TNC: variants seen among roughly 807,000 people sequenced by gnomAD.
The protein encoded by TNC is tenascin.
Under a neutral mutation model 202.4 loss-of-function variants are expected in TNC, and 109 were observed. The observed-to-expected ratio is 0.54, with a 90% confidence interval of 0.46 to 0.63. TNC has a LOEUF of 0.63. Among genes scored for constraint, TNC ranks in the 30% least tolerant of loss-of-function variants. TNC has a pLI of 0.00. For synonymous variants in TNC, 1,007 were observed against 1,089.7 expected (o/e 0.92, Z 1.50); for missense variants, 2,756 against 2,833.3 (o/e 0.97, Z 0.62).
Position 115,041,083 on chromosome 9 carries a change from A to C in TNC, c.5250T>G (p.Gly1750=). ...FRITYVPITG[G]TPSMVTVDGT... ...CGTCCACAGTTACCATGGAGGGTGTACCTGGAACACAGTAAAAGCAAGATG... is the reference window on the plus strand; with the variant it reads ...CGTCCACAGTTACCATGGAGGGTGTCCCTGGAACACAGTAAAAGCAAGATG... Residue 1750 remains glycine (G), a splice_region_variant and synonymous_variant, in exon 19 of 28, where the codon GGT becomes GGG. Coordinates refer to ENST00000350763, the MANE Select transcript of TNC (RefSeq NM_002160.4). 1.2e-6 allele frequency: 2 copies of C among 1,609,918 alleles called. No individual in the cohort carries two copies. The highest frequency in any genetic ancestry group is 1.7e-6 in the Non-Finnish European group (2 of 1,177,862).
chr9:115,043,045 CA>C (rs1830888679), intron 17 of TNC, among the ~76,000 whole-genome samples: 1 of 152,176 alleles, frequency 6.6e-6, no homozygotes, highest in African/African-American at 2.4e-5. Context: ...AAGCCATGCC[CA>C]GGGGGAGTTT....
chr9:115,080,520 A>T, intron 6 of TNC, among the ~76,000 whole-genome samples: 1 of 152,226 alleles, frequency 6.6e-6, no homozygotes, highest in South Asian at 2.1e-4. Flanking sequence ...CCCTGCCAAG[A>T]AGAGTCGATT....
rs772395612 is a variant in TNC, at chr9:115,086,518, C to T, written c.1213G>A (p.Glu405Lys). Reference protein sequence around the residue: ...DDGFTGADCGELKCPNGCSGH... With the variant: ...DDGFTGADCGKLKCPNGCSGH... ...CTGCAGCCATTGGGACACTTGAGCT[C>T]CCCACAGTCAGCTCCAGTGAAACCA... Residue 405 changes from glutamate (E) to lysine (K), a missense_variant, in exon 3 of 28, where the codon GAG becomes AAG. Glu to Lys is a moderately conservative substitution (Grantham distance 56, BLOSUM62 1). This residue lies in a region of TNC where 2,559 missense variants were observed against 2,546.0 expected (regional missense o/e 1.01). Transcript: ENST00000350763. 2 of 1,613,906 alleles carry T rather than the reference C, an allele frequency of 1.2e-6. No homozygotes were observed. The highest frequency in any genetic ancestry group is 8.5e-7 in the Non-Finnish European group (1 of 1,180,012).
chr9:115,080,627 GC>G (rs1834232590), intron 6 of TNC, among the ~76,000 whole-genome samples: 1 of 151,756 alleles, frequency 6.6e-6, no homozygotes, highest in Admixed American at 6.6e-5. Flanking sequence ...TTAAAAAATT[GC>G]AGCTGTGCAC....
chr9:115,052,079 C>CATATATATATATATATATATACACATAT (rs3035495), intron 15 of TNC, among the ~76,000 whole-genome samples: 5 of 146,832 alleles, frequency 3.4e-5, no homozygotes, highest in African/African-American at 1.2e-4. Context: ...TGTATATATA[C>CATATATATATATATATATATACACATAT]ATATATATAT....
intron 15 of TNC, among the ~76,000 whole-genome samples, chr9:115,054,642 CA>C (rs1019471834): frequency 2.6e-5 from 4 of 152,192 alleles, no homozygotes; most frequent in Non-Finnish European, 4.4e-5. Context: ...CAAGAAAAAA[CA>C]GAGAAAGATA....
chr9:115,027,047 T>C (rs1829550511), intron 25 of TNC, among the ~76,000 whole-genome samples: 1 of 150,102 alleles, frequency 6.7e-6, no homozygotes, highest in South Asian at 2.1e-4. Context: ...AGGCAGAAGT[T>C]GCAGAGAGCT....
At chr9:115,109,239 GACA>G (rs1836855924) in intron 1 of TNC, among the ~76,000 whole-genome samples, 2 of 152,158 alleles carry the variant, frequency 1.3e-5, no homozygotes, top group Admixed American at 6.5e-5. Context: ...ACAAAACAAT[GACA>G]ACAACAAAAC....
intron 1 of TNC, among the ~76,000 whole-genome samples, chr9:115,097,116 C>T (rs139007706): frequency 2.5e-4 from 38 of 152,292 alleles, no homozygotes; most frequent in Admixed American, 2.2e-3. Flanking sequence ...GAAGCAGTTG[C>T]GTGTGGGGGA....
intron 1 of TNC, among the ~76,000 whole-genome samples, chr9:115,101,037 C>T (rs1003660288): frequency 1.3e-5 from 2 of 152,028 alleles, no homozygotes; most frequent in Non-Finnish European, 2.9e-5. Flanking sequence ...ACTTCTTGGC[C>T]CTGATGAGTT....
At chr9:115,050,699 G>A (rs143871437) in intron 15 of TNC, among the ~76,000 whole-genome samples, 21 of 152,186 alleles carry the variant, frequency 1.4e-4, no homozygotes, top group African/African-American at 4.3e-4. Context: ...AATAATGTTG[G>A]GAGACAGCAG....
chr9:115,023,037 C>CAAA lies in TNC; in HGVS notation c.6495+933_6495+935dup, dbSNP rs112725157. 6.6e-3 allele frequency among the ~76,000 whole-genome samples: 806 copies of CAAA among 122,124 alleles called. 8 individuals are homozygous for CAAA. Among genetic ancestry groups the CAAA allele is most frequent in the African/African-American group, 0.023 (769 of 33,334 alleles). The allele number at this position is 122,124 out of a possible 152,430, so 80.1% of individuals were successfully genotyped here. ...CCACAACAACAAAAATGCAAATATG[C>CAAA]AAAAAAAAAAAAAAAATGAGATGCT... On this transcript the variant is annotated intron_variant, in intron 27 of 27. Transcript: ENST00000350763.
chr9:115,075,778 C>A (rs1833797860), intron 9 of TNC, among the ~76,000 whole-genome samples: 1 of 152,090 alleles, frequency 6.6e-6, no homozygotes, highest in Non-Finnish European at 1.5e-5. Context: ...AGCGATACTC[C>A]ATCTCAACAA....
At chr9:115,057,098 C>G in intron 15 of TNC, 55 bp downstream of exon 15, 2 of 1,551,020 alleles carry the variant, frequency 1.3e-6, no homozygotes, top group Admixed American at 1.8e-5. Flanking sequence ...GAGGCTTCAC[C>G]CTGCAAAGAA....
At chr9:115,038,432 C>G (rs752812589) in intron 19 of TNC, 52 bp from the exon 20 acceptor site, 81 of 1,597,460 alleles carry the variant, frequency 5.1e-5, no homozygotes, top group Non-Finnish European at 6.9e-5. Flanking sequence ...GGACATCAGA[C>G]TCTAGCTGCT....
chr9:115,104,334 C>A (rs750222688), intron 1 of TNC, among the ~76,000 whole-genome samples: 2 of 152,140 alleles, frequency 1.3e-5, no homozygotes, highest in Non-Finnish European at 2.9e-5. Context: ...GACAGACTTA[C>A]AACACAACCC....
chr9:115,045,520 C>A (rs1322299152), intron 17 of TNC, among the ~76,000 whole-genome samples: 1 of 151,384 alleles, frequency 6.6e-6, no homozygotes, highest in Non-Finnish European at 1.5e-5. Context: ...GCATGAGGCA[C>A]CACACCTGGC....
Position 115,057,275 on chromosome 9 carries a change from A to G in TNC, c.4457T>C (p.Ile1486Thr), listed in dbSNP as rs2132444864. Residue 1486 changes from isoleucine to threonine, a missense_variant, in exon 15 of 28, where the codon ATC becomes ACC. This residue lies in a region of TNC where 2,559 missense variants were observed against 2,546.0 expected (regional missense o/e 1.01). Coordinates refer to ENST00000350763, the MANE Select transcript of TNC (RefSeq NM_002160.4). ...NRLLETVEYN[I>T]SGAERTAHIS... ...ATGGGCAGTTCGTTCAGCACCAGAG[A>G]TATTATATTCCACAGTCTCCAGCAA... 1 of 1,614,180 alleles carries G rather than the reference A, an allele frequency of 6.2e-7. No homozygotes were observed. Among genetic ancestry groups the G allele is most frequent in the African/African-American group, 1.3e-5 (1 of 75,036 alleles).
chr9:115,044,820 A>T (rs1178151883), intron 17 of TNC, among the ~76,000 whole-genome samples: 2 of 152,170 alleles, frequency 1.3e-5, no homozygotes, highest in African/African-American at 4.8e-5. Flanking sequence ...CCTGGATTCT[A>T]GCATTTTCTC....
Sources: allele counts gnomAD v4.1 joint callset (sites outside exome capture counted in the v4.1 genomes callset), GRCh38; gene constraint gnomAD v4.1.1; regional missense constraint gnomAD v4.1.1; transcripts MANE v1.5; gene names NCBI Gene and HGNC (gene_info 2026-07-23, HGNC 2026-07-21).